USP6: variants seen among roughly 807,000 people sequenced by gnomAD.
USP6 encodes the protein ubiquitin carboxyl-terminal hydrolase 6.
In USP6, 128 loss-of-function variants were observed where a neutral mutation model predicts 175.7. The observed-to-expected ratio is 0.73, with a 90% confidence interval of 0.63 to 0.84. The LOEUF is 0.84. Among genes scored for constraint, USP6 ranks in the 40% least tolerant of loss-of-function variants. The probability of loss-of-function intolerance (pLI) is 0.00; values close to 1 mark genes in which losing one functional copy is unlikely to be tolerated. For missense variants in USP6, 1,498 were observed against 1,760.3 expected (o/e 0.85, Z 2.67); for synonymous variants, 562 against 630.6 (o/e 0.89, Z 1.63).
chr17:5,130,655 C>T lies in USP6; in HGVS notation c.126C>T (p.Asn42=), dbSNP rs754286718. 2.0e-5 allele frequency: 32 copies of T among 1,613,906 alleles called. No individual in the cohort carries two copies. The Admixed American group carries it at 5.2e-4, about 26-fold the overall frequency. The change falls in exon 11 of 38, where the codon AAC becomes AAT. Residue 42 remains asparagine, a synonymous_variant. Transcript: ENST00000574788. ...AGGGGCCTGAGCCCGTTGGAATCAA[C>T]AGCAGCATTGATCGTTTTGGCATTT... The part of the protein sequence containing the change: ...EDKGPEPVGI[N]SSIDRFGILH...
intron 14 of USP6, 100 bp downstream of exon 14, chr17:5,133,650 G>GGGGGGA: frequency 4.3e-5 from 24 of 556,502 alleles, no homozygotes; most frequent in Non-Finnish European, 7.3e-5. Context: ...GGGGGGGTGG[G>GGGGGGA]AGGGGATGGT....
rs757513994 is a variant in USP6, at chr17:5,139,345, C to T, written c.1169C>T (p.Pro390Leu). ...TGCAAGGGGTATAGGCAGGCCCCTC[C>T]AGGCCCACCAGCCCAGTTCCAGCGG... Reference protein sequence around the residue: ...TLCKGYRQAPPGPPAQFQRPI... With the variant: ...TLCKGYRQAPLGPPAQFQRPI... Residue 390 changes from proline (P) to leucine (L), a missense_variant, in exon 22 of 38, where the codon CCA becomes CTA. By Grantham distance (98) the Pro-to-Leu change is moderately conservative. This residue lies in a region of USP6 where 1,217 missense variants were observed against 1,500.8 expected (regional missense o/e 0.81). Coordinates refer to ENST00000574788, the MANE Select transcript of USP6 (RefSeq NM_001304284.2). The T allele has an allele frequency of 5.0e-6, 8 of 1,612,690 alleles. No individual in the cohort carries two copies. In the Middle Eastern group the frequency reaches 5.1e-4, roughly 103 times the overall value.
At chr17:5,143,374 G>T (rs1243919065) in intron 25 of USP6, among the ~76,000 whole-genome samples, 1 of 152,256 alleles carries the variant, frequency 6.6e-6, no homozygotes, top group African/African-American at 2.4e-5. Context: ...GTAGAAAGAA[G>T]TAAACATAGG....
At position 5,135,842 on chromosome 17, in the gene USP6, C is replaced by T; in HGVS notation, c.578C>T (p.Thr193Ile). Residue 193 changes from threonine to isoleucine, a missense_variant, in exon 17 of 38, where the codon ACC becomes ATC. By Grantham distance (89) the Thr-to-Ile change is moderately conservative (BLOSUM62 -1). Coordinates refer to ENST00000574788, the MANE Select transcript of USP6 (RefSeq NM_001304284.2). Reference sequence around the variant, plus strand: ...TACTGCAGGGACCTGAGCCACATCACCGCCTTGTTCCTCCTTTATCTGCCT... The same window carrying T: ...TACTGCAGGGACCTGAGCCACATCATCGCCTTGTTCCTCCTTTATCTGCCT... The part of the protein sequence containing the change: ...VGYCRDLSHI[T>I]ALFLLYLPEE... 6.3e-7 allele frequency: 1 copy of T among 1,599,046 alleles called. No homozygotes were observed. Among genetic ancestry groups the T allele is most frequent in the South Asian group, 1.1e-5 (1 of 90,996 alleles).
At chr17:5,139,151 C>A in intron 21 of USP6, 104 bp from the exon 22 acceptor site, 1 of 1,598,016 alleles carries the variant, frequency 6.3e-7, no homozygotes, top group Non-Finnish European at 8.5e-7. Context: ...ACAGGGGCCA[C>A]ACAGAGACCC....
At chr17:5,164,575 G>T (rs562515671) in intron 33 of USP6, among the ~76,000 whole-genome samples, 2 of 152,334 alleles carry the variant, frequency 1.3e-5, no homozygotes, top group African/African-American at 2.4e-5. Flanking sequence ...AATCGGAAAA[G>T]CTCTTTAGGA....
chr17:5,118,565 C>A (rs114151986), intron 2 of USP6, among the ~76,000 whole-genome samples: 2,153 of 152,296 alleles, frequency 0.014, 53 homozygotes, highest in African/African-American at 0.048. Context: ...GGCCCCTAGC[C>A]CCATTGCGTG....
chr17:5,147,195 G>T lies in USP6; in HGVS notation c.2431+1G>T, dbSNP rs2073637674. On this transcript the variant is annotated splice_donor_variant, in intron 29 of 37. Coordinates refer to ENST00000574788, the MANE Select transcript of USP6 (RefSeq NM_001304284.2). LOFTEE classifies it high-confidence loss of function. ...TCAGCTTCTAGTCCAACACAAATAG[G>T]TAAGATAGAACTAGAACTCCTTCTC... is the stretch of plus-strand genomic sequence containing the variant. The T allele has an allele frequency of 6.2e-7, 1 of 1,609,332 alleles. No homozygotes were observed. Among genetic ancestry groups the T allele is most frequent in the Non-Finnish European group, 8.5e-7 (1 of 1,176,658 alleles).
intron 22 of USP6, among the ~76,000 whole-genome samples, chr17:5,140,853 A>C (rs568475480): frequency 3.3e-5 from 5 of 152,280 alleles, no homozygotes; most frequent in African/African-American, 1.2e-4. Context: ...TATACAGTCA[A>C]TGAGTTTTCC....
At position 5,155,570 on chromosome 17, in the gene USP6, T is replaced by A; in HGVS notation, c.2792T>A (p.Leu931His). Residue 931 changes from leucine (L) to histidine (H), a missense_variant, in exon 31 of 38, where the codon CTC becomes CAC. This residue lies in a region of USP6 where 1,217 missense variants were observed against 1,500.8 expected (regional missense o/e 0.81). Coordinates refer to ENST00000574788, the MANE Select transcript of USP6 (RefSeq NM_001304284.2). ...WIQVSWLARPLPPQEASIHAQ... is the reference protein window; with the variant it reads ...WIQVSWLARPHPPQEASIHAQ... ...CAAGTATCCTGGTTAGCAAGACCACTCCCACCTCAGGAAGCTAGTATTCAT... is the reference window on the plus strand; with the variant it reads ...CAAGTATCCTGGTTAGCAAGACCACACCCACCTCAGGAAGCTAGTATTCAT... The A allele has an allele frequency of 6.2e-7, 1 of 1,614,072 alleles. No homozygotes were observed. Among genetic ancestry groups the A allele is most frequent in the Non-Finnish European group, 8.5e-7 (1 of 1,179,994 alleles).
intron 29 of USP6, among the ~76,000 whole-genome samples, chr17:5,147,736 G>T (rs187600258): frequency 1.3e-5 from 2 of 152,144 alleles, no homozygotes; most frequent in Non-Finnish European, 2.9e-5. Context: ...TTAATTTAGA[G>T]TATCACTGTC....
intron 30 of USP6, among the ~76,000 whole-genome samples, chr17:5,149,692 TTTTG>T (rs2073711126): frequency 6.6e-6 from 1 of 151,942 alleles, no homozygotes; most frequent in Non-Finnish European, 1.5e-5. Flanking sequence ...TTGTTTTGGG[TTTTG>T]TTTTTTTTTT....
chr17:5,167,965 C>A lies in USP6; in HGVS notation c.3070C>A (p.Arg1024=). The A allele has an allele frequency of 2.5e-6, 4 of 1,611,848 alleles. No individual in the cohort carries two copies. The highest frequency in any genetic ancestry group is 3.4e-6 in the Non-Finnish European group (4 of 1,179,782). Reference sequence around the variant, plus strand: ...TAAGCATGAGAGTGTGGAGCAGAGTCGGCGAGCGCAAGCCGAGCCCATCAA... The same window carrying A: ...TAAGCATGAGAGTGTGGAGCAGAGTAGGCGAGCGCAAGCCGAGCCCATCAA... ...VDKHESVEQS[R]RAQAEPINLD... The change falls in exon 34 of 38, where the codon CGG becomes AGG. Residue 1024 remains arginine (R), a synonymous_variant. Transcript: ENST00000574788.
In USP6 at chr17:5,171,688, T is replaced by C; in HGVS notation, c.4047+9T>C. 1 of 1,612,346 alleles carries C rather than the reference T, an allele frequency of 6.2e-7. No homozygotes were observed. Among genetic ancestry groups the C allele is most frequent in the Non-Finnish European group, 8.5e-7 (1 of 1,179,038 alleles). ...ATGACAGCAGCTGTGAGGTAAACATTCTCAATCTTTGAATGAAAGTTAGAA... is the reference window on the plus strand; with the variant it reads ...ATGACAGCAGCTGTGAGGTAAACATCCTCAATCTTTGAATGAAAGTTAGAA... On this transcript the variant is annotated intron_variant, in intron 37 of 37. Transcript: ENST00000574788.
At chr17:5,144,609 G>T in intron 25 of USP6, 81 bp from the exon 26 acceptor site, 1 of 1,465,848 alleles carries the variant, frequency 6.8e-7, no homozygotes, top group Non-Finnish European at 9.4e-7. Context: ...TCTTACAATG[G>T]CTCTGATTGG....
intron 31 of USP6, among the ~76,000 whole-genome samples, chr17:5,159,936 C>T (rs1364943484): frequency 1.3e-5 from 2 of 148,538 alleles, no homozygotes; most frequent in Non-Finnish European, 3.0e-5. Context: ...TGCACTCCAG[C>T]CTGGGCAACA....
At chr17:5,149,412 CA>C (rs2073702328) in intron 30 of USP6, among the ~76,000 whole-genome samples, 1 of 151,248 alleles carries the variant, frequency 6.6e-6, no homozygotes, top group Admixed American at 6.6e-5. Context: ...CAAAAAAAAA[CA>C]AAAACAAAAA....
intron 30 of USP6, among the ~76,000 whole-genome samples, chr17:5,149,738 A>T (rs1852990818): frequency 6.6e-6 from 1 of 152,112 alleles, no homozygotes; most frequent in Non-Finnish European, 1.5e-5. Flanking sequence ...CTTCGGCAAA[A>T]TCAAGTTGTG....
intron 26 of USP6, 136 bp downstream of exon 26, chr17:5,144,999 C>G (rs4084586): frequency 1.5e-6 from 2 of 1,319,716 alleles, no homozygotes; most frequent in South Asian, 3.9e-5. Flanking sequence ...ATTTCTATTT[C>G]TATGCTTAAT....
Sources: allele counts gnomAD v4.1 joint callset (sites outside exome capture counted in the v4.1 genomes callset), GRCh38; gene constraint gnomAD v4.1.1; regional missense constraint gnomAD v4.1.1; transcripts MANE v1.5; gene names NCBI Gene and HGNC (gene_info 2026-07-23, HGNC 2026-07-21).